TLN1: variants seen among roughly 807,000 people sequenced by gnomAD.
The protein encoded by TLN1 is talin-1.
In TLN1, 56 loss-of-function variants were observed where a neutral mutation model predicts 292.3. The observed-to-expected ratio is 0.19, with a 90% confidence interval of 0.15 to 0.24. The LOEUF is 0.24. TLN1 is among the 10% of genes least tolerant of loss of function. The probability of loss-of-function intolerance (pLI) is 1.00; values close to 1 mark genes in which losing one functional copy is unlikely to be tolerated. For synonymous variants in TLN1, 1,119 were observed against 1,253.7 expected (o/e 0.89, Z 2.27); for missense variants, 2,433 against 3,248.2 (o/e 0.75, Z 6.10).
At position 35,707,124 on chromosome 9, in the gene TLN1, C is replaced by T. The variant is rs749077133; in HGVS notation, c.4903G>A (p.Gly1635Ser). The change falls in exon 37 of 57, where the codon GGC becomes AGC. Residue 1635 changes from glycine to serine, a missense_variant. Transcript: ENST00000314888. This position sits in a 1 kb window ranked among gnomAD's most constrained non-coding sequence, Gnocchi z 5.6. ...RDPPSWSVLA[G>S]HSRTVSDSIK... ...GAGTCTGAGACAGTACGGGAGTGGCCGGCCAGCACCGACCAGCTCGGGGGG... is the reference window on the plus strand; with the variant it reads ...GAGTCTGAGACAGTACGGGAGTGGCTGGCCAGCACCGACCAGCTCGGGGGG... The T allele has an allele frequency of 8.7e-6, 14 of 1,612,192 alleles. No individual in the cohort carries two copies. Among genetic ancestry groups the T allele is most frequent in the African/African-American group, 2.7e-5 (2 of 74,902 alleles).
chr9:35,729,793 G>T (rs1303521894), intron 1 of TLN1, among the ~76,000 whole-genome samples: 1 of 152,178 alleles, frequency 6.6e-6, no homozygotes, highest in Non-Finnish European at 1.5e-5. Flanking sequence ...GACGAATTGG[G>T]AAGAGGGGAA....
rs755829722 is a variant in TLN1 at position 35,712,963 on chromosome 9, G to T, written c.3433C>A (p.Pro1145Thr). The T allele has an allele frequency of 1.9e-6, 3 of 1,610,716 alleles. No homozygotes were observed. The highest frequency in any genetic ancestry group is 1.7e-6 in the Non-Finnish European group (2 of 1,178,982). ...TCAAGTACAATGGCCTGCACTGCAG[G>T]ATCTGACGTCAGTGCAGCGACTCCC... is the stretch of plus-strand genomic sequence containing the variant. ...ARGVAALTSDPAVQAIVLDTA... is the reference protein window; with the variant it reads ...ARGVAALTSDTAVQAIVLDTA... Residue 1145 changes from proline (P) to threonine (T), a missense_variant, in exon 27 of 57, where the codon CCT becomes ACT. Pro to Thr is a conservative substitution (Grantham distance 38, BLOSUM62 -1). Coordinates refer to ENST00000314888, the MANE Select transcript of TLN1 (RefSeq NM_006289.4).
In TLN1 at chr9:35,698,379, G is replaced by A. The variant is rs1825404971; in HGVS notation, c.7315C>T (p.Leu2439Phe). 6.2e-7 allele frequency: 1 copy of A among 1,614,080 alleles called. No individual in the cohort carries two copies. Among genetic ancestry groups the A allele is most frequent in the Admixed American group, 1.7e-5 (1 of 60,012 alleles). Reference sequence around the variant, plus strand: ...TCAGCCTTGACCTTGCAGGCCACAAGGAGCTGGGCTGTGGAGGCAGCTACC... The same window carrying A: ...TCAGCCTTGACCTTGCAGGCCACAAAGAGCTGGGCTGTGGAGGCAGCTACC... Reference protein sequence around the residue: ...KQVAASTAQLLVACKVKADQD... With the variant: ...KQVAASTAQLFVACKVKADQD... The change falls in exon 55 of 57, where the codon CTT (leucine) becomes TTT (phenylalanine). Residue 2439 changes from leucine to phenylalanine, a missense_variant. Around this residue, in one of 7 missense-constraint regions of TLN1, gnomAD observed 141 missense variants for 248.5 expected, o/e 0.57. Coordinates refer to ENST00000314888, the MANE Select transcript of TLN1 (RefSeq NM_006289.4). The surrounding 1 kb of genome is among the most constrained non-coding windows in gnomAD (Gnocchi z 5.3).
Position 35,711,095 on chromosome 9 carries a change from G to T in TLN1, c.4020-13C>A, listed in dbSNP as rs1186241709. 1 of 1,614,054 alleles carries T rather than the reference G, an allele frequency of 6.2e-7. No homozygotes were observed. The highest frequency in any genetic ancestry group is 1.7e-5 in the Admixed American group (1 of 60,020). Reference sequence around the variant, plus strand: ...GTCAGTTACTGCCCTGGGAGTGACAGAAAGTTGAGTGAAAAGGTGAATAGG... The same window carrying T: ...GTCAGTTACTGCCCTGGGAGTGACATAAAGTTGAGTGAAAAGGTGAATAGG... On this transcript the variant is annotated splice_polypyrimidine_tract_variant and intron_variant, in intron 30 of 56. Coordinates refer to ENST00000314888, the MANE Select transcript of TLN1 (RefSeq NM_006289.4).
rs1319173203 is a variant in TLN1 at position 35,723,140 on chromosome 9, T to C, written c.783-219A>G. The C allele has an allele frequency of 2.0e-5, 8 of 406,488 alleles. No homozygotes were observed. In the East Asian group the frequency reaches 4.1e-4, roughly 21 times the overall value. The allele number at this position is 406,488 out of a possible 1,614,324, so 25.2% of individuals were successfully genotyped here. A position where few individuals can be genotyped will look rare whatever the true frequency, so the allele number is the denominator to read the frequency against. On this transcript the variant is annotated intron_variant, in intron 7 of 56. Coordinates refer to ENST00000314888, the MANE Select transcript of TLN1 (RefSeq NM_006289.4). ...TTTTGAGATGGAGTTTCACTCTTGTTGCCCAGGCTGGAGTGCAATGGCACG... is the reference window on the plus strand; with the variant it reads ...TTTTGAGATGGAGTTTCACTCTTGTCGCCCAGGCTGGAGTGCAATGGCACG...
chr9:35,707,175 G>A lies in TLN1; in HGVS notation c.4852C>T (p.Arg1618Trp), dbSNP rs1207300600. 13 of 1,610,382 alleles carry A rather than the reference G, an allele frequency of 8.1e-6. No individual in the cohort carries two copies. Among genetic ancestry groups the A allele is most frequent in the African/African-American group, 5.3e-5 (4 of 74,778 alleles). The change falls in exon 37 of 57, where the codon CGG becomes TGG. Residue 1618 changes from arginine to tryptophan, a missense_variant. Physicochemically the swap from Arg to Trp is moderately radical, Grantham distance 101 (BLOSUM62 -3). This residue lies in a region of TLN1 where 1,384 missense variants were observed against 1,699.6 expected (regional missense o/e 0.81). Coordinates refer to ENST00000314888, the MANE Select transcript of TLN1 (RefSeq NM_006289.4). The surrounding 1 kb of genome is among the most constrained non-coding windows in gnomAD (Gnocchi z 5.6). The stretch of plus-strand genomic sequence containing the variant: ...TCCCGGGGATTGACTGCGAGGGCCC[G>A]GGCTGTCTGGATGAGTCCCCCGGCA... ...ESAGGLIQTARALAVNPRDPP... is the reference protein window; with the variant it reads ...ESAGGLIQTAWALAVNPRDPP...
chr9:35,701,629 G>A (rs1339182028), intron 48 of TLN1, among the ~76,000 whole-genome samples: 1 of 152,186 alleles, frequency 6.6e-6, no homozygotes, highest in African/African-American at 2.4e-5. Context: ...GAGGATTGGA[G>A]GGGGCAAGTG....
intron 1 of TLN1, among the ~76,000 whole-genome samples, chr9:35,730,380 G>C: frequency 6.6e-6 from 1 of 151,452 alleles, no homozygotes; most frequent in East Asian, 1.9e-4. Flanking sequence ...CGTGGGATCA[G>C]CAAGACCCAG....
rs1825807884 is a variant in TLN1 at position 35,717,529 on chromosome 9, C to A, written c.2164-89G>T. 1.9e-6 allele frequency: 3 copies of A among 1,574,720 alleles called. No homozygotes were observed. The highest frequency in any genetic ancestry group is 2.6e-6 in the Non-Finnish European group (3 of 1,155,198). On this transcript the variant is annotated intron_variant, in intron 18 of 56. Transcript: ENST00000314888. This position sits in a 1 kb window ranked among gnomAD's most constrained non-coding sequence, Gnocchi z 4.7. ...GCAGTAACTGGGATGGGTGAGGAGG[C>A]CTCCAGAGCCAAAGAAATAAAATGA...
chr9:35,729,090 T>C (rs1826025841), intron 1 of TLN1, among the ~76,000 whole-genome samples: 3 of 152,266 alleles, frequency 2.0e-5, no homozygotes, highest in Non-Finnish European at 1.5e-5. Context: ...ACTTGCATTG[T>C]ATACATAATT....
rs757556020 is a variant in TLN1, at chr9:35,714,092, A to G, written c.3121-11T>C. The G allele has an allele frequency of 1.2e-6, 2 of 1,613,792 alleles. No homozygotes were observed. Among genetic ancestry groups the G allele is most frequent in the Non-Finnish European group, 1.7e-6 (2 of 1,179,690 alleles). On this transcript the variant is annotated splice_polypyrimidine_tract_variant and intron_variant, in intron 24 of 56. Coordinates refer to ENST00000314888, the MANE Select transcript of TLN1 (RefSeq NM_006289.4). The surrounding 1 kb of genome is among the most constrained non-coding windows in gnomAD (Gnocchi z 4.6). ...ACATGCTTCCTGAGCCTATGATAAG[A>G]AAGGGGTTTTGGGTGTAGAAGGTCC...
At position 35,717,067 on chromosome 9, in the gene TLN1, G is replaced by A; in HGVS notation, c.2458+79C>T. ...TGAGTTCCTTGGGGTGAAGTGGTTA[G>A]GTCCGCAAGGGGATGATGTCCAGTG... On this transcript the variant is annotated intron_variant, in intron 19 of 56. Coordinates refer to ENST00000314888, the MANE Select transcript of TLN1 (RefSeq NM_006289.4). The surrounding 1 kb of genome is among the most constrained non-coding windows in gnomAD (Gnocchi z 4.7). 6.7e-7 allele frequency: 1 copy of A among 1,495,944 alleles called. No individual in the cohort carries two copies. The highest frequency in any genetic ancestry group is 1.3e-5 in the South Asian group (1 of 75,018). The allele number at this position is 1,495,944 out of a possible 1,614,324, so 92.7% of individuals were successfully genotyped here.
chr9:35,709,286 T>C (rs1825618434), intron 33 of TLN1, among the ~76,000 whole-genome samples: 1 of 151,940 alleles, frequency 6.6e-6, no homozygotes, highest in Non-Finnish European at 1.5e-5. Context: ...AGAGCGAGAC[T>C]CCGTCTCAAA....
Position 35,719,372 on chromosome 9 carries a change from C to T in TLN1, c.1688-90G>A. 2 of 1,378,952 alleles carry T rather than the reference C, an allele frequency of 1.5e-6. No individual in the cohort carries two copies. The highest frequency in any genetic ancestry group is 1.4e-5 in the African/African-American group (1 of 70,392). 85.4% of individuals were successfully genotyped at this position (1,378,952 alleles called of 1,614,324 possible). On this transcript the variant is annotated intron_variant, in intron 15 of 56. Coordinates refer to ENST00000314888, the MANE Select transcript of TLN1 (RefSeq NM_006289.4). The surrounding 1 kb of genome is among the most constrained non-coding windows in gnomAD (Gnocchi z 4.6). Reference sequence around the variant, plus strand: ...GAGCAAAGTCACACCCAGTTAGTCACACACATGTCCACAGAAAGACGCACA... The same window carrying T: ...GAGCAAAGTCACACCCAGTTAGTCATACACATGTCCACAGAAAGACGCACA...
At chr9:35,728,495 C>T (rs997634685) in intron 1 of TLN1, among the ~76,000 whole-genome samples, 11 of 152,062 alleles carry the variant, frequency 7.2e-5, no homozygotes, top group Non-Finnish European at 7.4e-5. Context: ...AGAACTTCCC[C>T]CGGTACAGCC....
In TLN1 at chr9:35,704,478, C is replaced by T. The variant is rs780068315; in HGVS notation, c.5901G>A (p.Ala1967=). The T allele has an allele frequency of 2.0e-5, 33 of 1,611,334 alleles. No homozygotes were observed. Among genetic ancestry groups the T allele is most frequent in the South Asian group, 1.9e-4 (17 of 90,796 alleles). The change falls in exon 45 of 57, where the codon GCG becomes GCA. Residue 1967 remains alanine (A), a synonymous_variant. Transcript: ENST00000314888. This position sits in a 1 kb window ranked among gnomAD's most constrained non-coding sequence, Gnocchi z 6.9. ...VSEKVSHVLA[A]LQAGNRGTQA... is the part of the protein sequence containing the mutation. ...GGGTGCCACGATTCCCAGCCTGGAG[C>T]GCAGCCAGGACGTGGGAGACCTGGG...
chr9:35,718,704 A>C (rs987760326), intron 17 of TLN1, 108 bp downstream of exon 17: 3 of 848,190 alleles, frequency 3.5e-6, no homozygotes, highest in Non-Finnish European at 5.8e-6. Flanking sequence ...AGAGGTTCAG[A>C]TTGGTTTTTA....
In TLN1 at chr9:35,722,843, T is replaced by TC; in HGVS notation, c.843+17dup. The TC allele has an allele frequency of 6.2e-7, 1 of 1,613,232 alleles. No homozygotes were observed. Among genetic ancestry groups the TC allele is most frequent in the Non-Finnish European group, 8.5e-7 (1 of 1,179,356 alleles). ...AGCTCCGCGGTCATCCCAAATACTT[T>TC]CCCCTACCCACATTCACCTGGAAGA... On this transcript the variant is annotated intron_variant, in intron 8 of 56. Transcript: ENST00000314888.
rs745347876 is a variant in TLN1 at position 35,708,513 on chromosome 9, G to C, written c.4327-29C>G. On this transcript the variant is annotated intron_variant, in intron 33 of 56. Transcript: ENST00000314888. ...GGAAGAGAAAAGGGGGTGGGGGTGA[G>C]GAATAAAGATTGCAGGTGGGAAATG... 19 of 1,515,964 alleles carry C rather than the reference G, an allele frequency of 1.3e-5. No individual in the cohort carries two copies. In the South Asian group the frequency reaches 2.4e-4, roughly 19 times the overall value. 93.9% of individuals were successfully genotyped at this position (1,515,964 alleles called of 1,614,324 possible).
Sources: allele counts gnomAD v4.1 joint callset (sites outside exome capture counted in the v4.1 genomes callset), GRCh38; gene constraint gnomAD v4.1.1; regional missense constraint gnomAD v4.1.1; non-coding constraint Gnocchi (gnomAD v3.1); transcripts MANE v1.5; gene names NCBI Gene and HGNC (gene_info 2026-07-23, HGNC 2026-07-21).